Variants in BANK1 observed in about 807,000 individuals in gnomAD.
BANK1 encodes B cell scaffold protein with ankyrin repeats 1, also known as B-cell scaffold protein with ankyrin repeats.
Under a neutral mutation model 94.5 loss-of-function variants are expected in BANK1, and 95 were observed. That is an observed-to-expected ratio of 1.00 (90% CI 0.85 to 1.19). BANK1 has a LOEUF of 1.19. Ranked by LOEUF, BANK1 falls within the 50% of genes most tolerant of loss-of-function variation. The pLI, the probability that BANK1 is intolerant of heterozygous loss-of-function variation, is 0.00. For synonymous variants in BANK1, 334 were observed against 308.4 expected (o/e 1.08, Z -0.87); for missense variants, 987 against 932.2 (o/e 1.06, Z -0.77).
rs1257442500 is a variant in BANK1 at position 101,790,834 on chromosome 4, C to T, written c.-47C>T. 2.0e-6 allele frequency: 3 copies of T among 1,522,718 alleles called. No individual in the cohort carries two copies. Among genetic ancestry groups the T allele is most frequent in the Admixed American group, 2.0e-5 (1 of 50,928 alleles). The allele number at this position is 1,522,718 out of a possible 1,614,324, so 94.3% of individuals were successfully genotyped here. ...TCTCTGGCCGGGAGAGTCCAGGTAG[C>T]GCTCGGCGGGCAGCAGTGCGCAGGC... On this transcript the variant is annotated 5_prime_UTR_variant, in exon 1 of 17. Coordinates refer to ENST00000322953, the MANE Select transcript of BANK1 (RefSeq NM_017935.5).
In BANK1 at chr4:102,029,968, G is replaced by A. The variant is rs1357588589; in HGVS notation, c.1603G>A (p.Val535Met). The change falls in exon 10 of 17, where the codon GTG (valine) becomes ATG (methionine). Residue 535 changes from valine to methionine, a missense_variant. Coordinates refer to ENST00000322953, the MANE Select transcript of BANK1 (RefSeq NM_017935.5). ...AAATATTTCATAAACAGGGACAATG[G>A]TGGAAGGCCAAATGGAAAGAAGTCA... ...RPHFTLPGTM[V>M]EGQMERSQNW... is the part of the protein sequence containing the mutation. The A allele has an allele frequency of 6.2e-7, 1 of 1,604,770 alleles. No homozygotes were observed. Among genetic ancestry groups the A allele is most frequent in the Admixed American group, 1.7e-5 (1 of 57,824 alleles).
At chr4:101,857,225 T>A (rs990708505) in intron 3 of BANK1, among the ~76,000 whole-genome samples, 1 of 152,108 alleles carries the variant, frequency 6.6e-6, no homozygotes, top group Non-Finnish European at 1.5e-5. Flanking sequence ...ATCTAGAAAT[T>A]TTACCATACT....
At position 101,986,857 on chromosome 4, in the gene BANK1, A is replaced by ATATATATGTG. The variant is rs1560668268; in HGVS notation, c.1207-34650_1207-34649insGTGTATATAT. Among the ~76,000 whole-genome samples, 93 of 48,856 alleles carry ATATATATGTG rather than the reference A, an allele frequency of 1.9e-3. 4 individuals carry two copies. The highest frequency in any genetic ancestry group is 4.8e-3 in the African/African-American group (63 of 13,104). The allele number at this position is 48,856 out of a possible 152,430, so 32.1% of individuals were successfully genotyped here. A position where few individuals can be genotyped will look rare whatever the true frequency, so the allele number is the denominator to read the frequency against. Reference sequence around the variant, plus strand: ...TGTATATATATGTGTATATATATGTATATATATATGTGTGTATGTGTGTGT... The same window carrying ATATATATGTG: ...TGTATATATATGTGTATATATATGTATATATATGTGTATATATATGTGTGTATGTGTGTGT... On this transcript the variant is annotated intron_variant, in intron 7 of 16. Coordinates refer to ENST00000322953, the MANE Select transcript of BANK1 (RefSeq NM_017935.5).
intron 7 of BANK1, among the ~76,000 whole-genome samples, chr4:101,923,993 G>A (rs980572885): frequency 1.2e-4 from 18 of 151,438 alleles, no homozygotes; most frequent in Non-Finnish European, 1.8e-4. Context: ...AGTTGTTTGC[G>A]GTATTTTTGC....
intron 6 of BANK1, among the ~76,000 whole-genome samples, chr4:101,900,433 G>A (rs906410486): frequency 2.6e-5 from 4 of 152,166 alleles, no homozygotes; most frequent in African/African-American, 7.2e-5. Flanking sequence ...TTGCTGTTAC[G>A]CAGAGAATAG....
intron 2 of BANK1, among the ~76,000 whole-genome samples, chr4:101,831,096 G>T (rs1180284365): frequency 3.3e-5 from 5 of 152,138 alleles, no homozygotes; most frequent in Admixed American, 2.6e-4. Flanking sequence ...CTCTCATGAT[G>T]AAAATGGCAC....
At chr4:101,908,009 C>T (rs1279194472) in intron 6 of BANK1, among the ~76,000 whole-genome samples, 1 of 152,120 alleles carries the variant, frequency 6.6e-6, no homozygotes, top group Non-Finnish European at 1.5e-5. Flanking sequence ...CAATGCCATC[C>T]CCATCAAGCT....
At chr4:101,829,692 C>A in intron 1 of BANK1, 116 bp from the exon 2 acceptor site, 2 of 527,460 alleles carry the variant, frequency 3.8e-6, no homozygotes, top group Non-Finnish European at 6.1e-6. Flanking sequence ...TAGAGTTTTT[C>A]TCTGGTATAA....
At chr4:101,874,139 A>G (rs1447432866) in intron 5 of BANK1, among the ~76,000 whole-genome samples, 1 of 152,056 alleles carries the variant, frequency 6.6e-6, no homozygotes, top group East Asian at 1.9e-4. Context: ...TTGAAATATT[A>G]TTTTCATTTT....
intron 13 of BANK1, among the ~76,000 whole-genome samples, chr4:102,065,090 G>A (rs1483685129): frequency 6.6e-6 from 1 of 152,218 alleles, no homozygotes; most frequent in Non-Finnish European, 1.5e-5. Flanking sequence ...GACACTAGAG[G>A]TTGAGCAGAG....
intron 13 of BANK1, 89 bp downstream of exon 13, chr4:102,063,227 A>ATC: frequency 8.5e-7 from 1 of 1,178,624 alleles, no homozygotes; most frequent in Non-Finnish European, 1.2e-6. Flanking sequence ...CTGAGTTCAA[A>ATC]TCTAAACCTC....
chr4:101,838,662 A>C (rs1726921522), intron 2 of BANK1, among the ~76,000 whole-genome samples: 1 of 152,204 alleles, frequency 6.6e-6, no homozygotes. Context: ...ATGCCAAGAC[A>C]GTTGGTATCC....
At chr4:101,853,047 G>A (rs1223703338) in intron 2 of BANK1, among the ~76,000 whole-genome samples, 2 of 152,130 alleles carry the variant, frequency 1.3e-5, no homozygotes, top group African/African-American at 4.8e-5. Context: ...GTCTATGTGT[G>A]TGTGTATAAG....
intron 3 of BANK1, among the ~76,000 whole-genome samples, chr4:101,860,055 G>T (rs1727810426): frequency 6.6e-6 from 1 of 152,158 alleles, no homozygotes; most frequent in South Asian, 2.1e-4. Flanking sequence ...GGATTTTGTG[G>T]AGCTGGTGAG....
intron 1 of BANK1, among the ~76,000 whole-genome samples, chr4:101,816,089 C>T (rs1010226074): frequency 3.3e-5 from 5 of 152,094 alleles, no homozygotes; most frequent in Admixed American, 1.3e-4. Context: ...CATATAAAAC[C>T]TATGAAACTT....
intron 2 of BANK1, among the ~76,000 whole-genome samples, chr4:101,830,758 T>C (rs1726585971): frequency 6.6e-6 from 1 of 152,228 alleles, no homozygotes; most frequent in African/African-American, 2.4e-5. Context: ...ACAGTTTTAT[T>C]CTGCTAGGTG....
At chr4:101,918,693 A>G (rs1057478724) in intron 7 of BANK1, among the ~76,000 whole-genome samples, 11 of 151,972 alleles carry the variant, frequency 7.2e-5, no homozygotes, top group African/African-American at 2.7e-4. Context: ...TCTTTGGAAA[A>G]TATAATGGGA....
At chr4:102,020,524 T>G (rs571531802) in intron 7 of BANK1, among the ~76,000 whole-genome samples, 1 of 152,134 alleles carries the variant, frequency 6.6e-6, no homozygotes, top group Non-Finnish European at 1.5e-5. Context: ...GACATTAGTG[T>G]TTAAAAAAAA....
At chr4:101,858,259 G>T (rs1727752364) in intron 3 of BANK1, among the ~76,000 whole-genome samples, 1 of 152,180 alleles carries the variant, frequency 6.6e-6, no homozygotes, top group East Asian at 1.9e-4. Context: ...TAACTAGGGG[G>T]TTGCTACTAG....
Sources: gnomAD v4.1 joint callset for allele counts (sites outside exome capture counted in the v4.1 genomes callset) on GRCh38, gnomAD v4.1.1 for gene constraint, MANE v1.5 for transcripts, NCBI Gene and HGNC (gene_info 2026-07-23, HGNC 2026-07-21) for gene names.